ROBO2: variants seen among roughly 807,000 people sequenced by gnomAD.
ROBO2 encodes roundabout guidance receptor 2.
ROBO2 carries 53 observed loss-of-function variants against 160.8 expected under a neutral mutation model. The observed-to-expected ratio is 0.33, with a 90% CI of 0.26 to 0.41. ROBO2 has a LOEUF of 0.41. Among genes scored for constraint, ROBO2 ranks in the 10% least tolerant of loss-of-function variants. The pLI is 1.00. For missense variants in ROBO2, 1,577 were observed against 1,722.4 expected, an observed-to-expected ratio of 0.92 and a Z score of 1.49; for synonymous variants, 664 against 611.7, an observed-to-expected ratio of 1.09 and a Z score of -1.26.
chr3:77,009,833 A>C (rs988712896), intron 2 of ROBO2, among the ~76,000 whole-genome samples: 10 of 150,642 alleles, frequency 6.6e-5, no homozygotes, highest in Non-Finnish European at 1.3e-4. Context: ...GTCATCTCAG[A>C]TACTTGGGAG....
intron 1 of ROBO2, among the ~76,000 whole-genome samples, chr3:75,917,716 A>G (rs1946868878): frequency 6.6e-6 from 1 of 152,140 alleles, no homozygotes; most frequent in African/African-American, 2.4e-5. Context: ...CAGACTTTTT[A>G]ATGATCACCA....
At chr3:77,576,063 G>A (rs149460182) in intron 14 of ROBO2, among the ~76,000 whole-genome samples, 2 of 152,174 alleles carry the variant, frequency 1.3e-5, no homozygotes, top group East Asian at 1.9e-4. Flanking sequence ...CAGGCACGGT[G>A]TTCTCGCCGA....
At chr3:75,945,136 GA>G (rs1458363275) in intron 2 of ROBO2, among the ~76,000 whole-genome samples, 1 of 152,120 alleles carries the variant, frequency 6.6e-6, no homozygotes, top group Non-Finnish European at 1.5e-5. Flanking sequence ...TTGAGTGAAG[GA>G]AATTGACCAA....
intron 1 of ROBO2, among the ~76,000 whole-genome samples, 200 bp from the exon 2 acceptor site, chr3:77,097,814 T>A (rs1478409384): frequency 6.6e-6 from 1 of 152,142 alleles, no homozygotes; most frequent in Non-Finnish European, 1.5e-5. Context: ...CTCCTTTGAG[T>A]TAACATATTA....
intron 5 of ROBO2, among the ~76,000 whole-genome samples, chr3:77,498,438 T>C (rs888752477): frequency 6.6e-6 from 1 of 152,188 alleles, no homozygotes; most frequent in African/African-American, 2.4e-5. Context: ...TTTCAAGATA[T>C]ATGGAGCAAA....
At chr3:76,622,213 A>T (rs2089159490) in intron 2 of ROBO2, among the ~76,000 whole-genome samples, 1 of 41,898 alleles carries the variant, frequency 2.4e-5, no homozygotes, top group African/African-American at 1.1e-4. Flanking sequence ...GAAGGAAGGA[A>T]GGAAGGAAGG....
At chr3:76,093,469 A>G (rs1482625044) in intron 2 of ROBO2, among the ~76,000 whole-genome samples, 1 of 118,178 alleles carries the variant, frequency 8.5e-6, no homozygotes, top group Non-Finnish European at 1.7e-5. Flanking sequence ...TACAGTTTAT[A>G]ATATATTATG....
At chr3:76,079,855 G>A (rs9852030) in intron 2 of ROBO2, among the ~76,000 whole-genome samples, 101,739 of 151,952 alleles carry the variant, frequency 0.67, 35,236 homozygotes, top group African/African-American at 0.86. Context: ...AAAGAAAGAA[G>A]GAAGAAAGAA....
intron 2 of ROBO2, among the ~76,000 whole-genome samples, chr3:77,340,295 C>T (rs940966774): frequency 3.9e-5 from 6 of 152,002 alleles, no homozygotes; most frequent in East Asian, 1.9e-4. Flanking sequence ...GTAATATGAA[C>T]GTGAAAAGTC....
chr3:77,200,848 C>T (rs138856298), intron 2 of ROBO2, among the ~76,000 whole-genome samples: 30 of 152,192 alleles, frequency 2.0e-4, no homozygotes, highest in East Asian at 5.8e-4. Flanking sequence ...AACTGGCAAG[C>T]GAGGGTTACC....
chr3:76,905,550 T>A (rs1339050596), intron 2 of ROBO2, among the ~76,000 whole-genome samples: 1 of 152,192 alleles, frequency 6.6e-6, no homozygotes, highest in Admixed American at 6.5e-5. Context: ...AAGCTAGATA[T>A]GACCCAAACC....
intron 2 of ROBO2, among the ~76,000 whole-genome samples, chr3:75,994,125 A>G (rs574954294): frequency 1.3e-5 from 2 of 152,258 alleles, no homozygotes; most frequent in East Asian, 1.9e-4. Flanking sequence ...TACAGGTTAC[A>G]TGTTCATAAA....
intron 1 of ROBO2, among the ~76,000 whole-genome samples, chr3:77,061,692 G>A (rs985285384): frequency 6.6e-6 from 1 of 152,118 alleles, no homozygotes; most frequent in Admixed American, 6.5e-5. Flanking sequence ...TTATCACCAT[G>A]GATCGTGTCC....
chr3:77,081,647 G>T (rs574063320), intron 1 of ROBO2, among the ~76,000 whole-genome samples: 2 of 152,308 alleles, frequency 1.3e-5, no homozygotes, highest in Non-Finnish European at 2.9e-5. Context: ...ATGTTGAAGG[G>T]AGGCAGTGGC....
rs575886909 is a variant in ROBO2 at position 77,050,329 on chromosome 3, T to C, written c.61+9483T>C. Among the ~76,000 whole-genome samples, 56 of 151,050 alleles carry C rather than the reference T, an allele frequency of 3.7e-4. 1 individual carries two copies. The highest frequency in any genetic ancestry group is 1.4e-3 in the African/African-American group (56 of 40,966). On this transcript the variant is annotated intron_variant, in intron 1 of 25. Coordinates refer to ENST00000461745, the Ensembl canonical transcript of ROBO2. ...TTCCTCATCTTAAGTATATAACCGT[T>C]TGTGTATTCTAAGTACCTTTGAATG...
chr3:77,217,287 T>C (rs1056200073), intron 2 of ROBO2, among the ~76,000 whole-genome samples: 1 of 152,012 alleles, frequency 6.6e-6, no homozygotes, highest in Non-Finnish European at 1.5e-5. Context: ...AGACCACAGG[T>C]GCACATCACC....
intron 2 of ROBO2, among the ~76,000 whole-genome samples, chr3:76,707,731 G>A (rs1215150224): frequency 3.7e-5 from 5 of 134,198 alleles, no homozygotes; most frequent in Admixed American, 7.7e-5. Flanking sequence ...ACATGTGTGT[G>A]TATATATATA....
chr3:76,378,590 CACAA>C (rs1282589164), intron 2 of ROBO2, among the ~76,000 whole-genome samples: 1 of 152,154 alleles, frequency 6.6e-6, no homozygotes, highest in African/African-American at 2.4e-5. Context: ...TGCACAAGAA[CACAA>C]ACAATTACAG....
At chr3:75,953,210 T>C (rs182500007) in intron 2 of ROBO2, among the ~76,000 whole-genome samples, 9 of 152,078 alleles carry the variant, frequency 5.9e-5, no homozygotes, top group African/African-American at 1.9e-4. Flanking sequence ...CCAAAGTAGC[T>C]GTACTATTCT....
Sources: gnomAD v4.1 joint callset for allele counts (sites outside exome capture counted in the v4.1 genomes callset) on GRCh38, gnomAD v4.1.1 for gene constraint, MANE v1.5 for transcripts, NCBI Gene and HGNC (gene_info 2026-07-23, HGNC 2026-07-21) for gene names.